ABCB5: variants seen among roughly 807,000 people sequenced by gnomAD.
ABCB5 encodes the protein ATP-binding cassette sub-family B member 5.
In ABCB5, 155 loss-of-function variants were observed where a neutral mutation model predicts 144.2. That is an observed-to-expected ratio of 1.08 (90% CI 0.94 to 1.23). The LOEUF (loss-of-function observed/expected upper bound fraction) is 1.23. ABCB5 is among the 50% of genes most tolerant of loss of function. The pLI is 0.00. For missense variants in ABCB5, 1,830 were observed against 1,520.8 expected (o/e 1.20, Z -3.38); for synonymous variants, 610 against 528.6 (o/e 1.15, Z -2.11).
chr7:20,747,197 G>T (rs1782751699), intron 26 of ABCB5, among the ~76,000 whole-genome samples: 1 of 152,196 alleles, frequency 6.6e-6, no homozygotes, highest in Non-Finnish European at 1.5e-5. Flanking sequence ...TGGTCAGATT[G>T]TTATCTGCAT....
intron 25 of ABCB5, among the ~76,000 whole-genome samples, chr7:20,744,556 ATTGAG>A (rs1562590445): frequency 1.4e-5 from 2 of 147,856 alleles, no homozygotes; most frequent in South Asian, 2.2e-4. Context: ...TCCTGAGTTT[ATTGAG>A]TTATTTGTTC....
chr7:20,669,790 A>G (rs1251701518), intron 14 of ABCB5, among the ~76,000 whole-genome samples: 3 of 150,160 alleles, frequency 2.0e-5, no homozygotes, highest in Non-Finnish European at 4.4e-5. Context: ...ATAGAGATTT[A>G]TTAAATAAAT....
chr7:20,663,351 G>C (rs1483104896), intron 14 of ABCB5, among the ~76,000 whole-genome samples: 1 of 152,132 alleles, frequency 6.6e-6, no homozygotes, highest in African/African-American at 2.4e-5. Flanking sequence ...CCAAATGTCT[G>C]TTTACAGATA....
At chr7:20,616,596 A>C (rs1783690739) in intron 1 of ABCB5, among the ~76,000 whole-genome samples, 1 of 152,222 alleles carries the variant, frequency 6.6e-6, no homozygotes, top group African/African-American at 2.4e-5. Flanking sequence ...CCATGATAGC[A>C]TCCACACAGC....
chr7:20,671,718 G>C lies in ABCB5; in HGVS notation c.1708-9787G>C, dbSNP rs999300914. 4.6e-5 allele frequency among the ~76,000 whole-genome samples: 7 copies of C among 152,148 alleles called. 1 individual carries two copies. The South Asian group carries it at 1.4e-3, about 32-fold the overall frequency. On this transcript the variant is annotated intron_variant, in intron 14 of 27. Transcript: ENST00000404938. ...TGCCACAATTTAAACTAATTGGTAT[G>C]GATGCTCATTTGAATTATTAGGTTT... is the stretch of plus-strand genomic sequence containing the variant.
At chr7:20,647,905 A>C in intron 10 of ABCB5, 63 bp from the exon 11 acceptor site, 2 of 1,186,998 alleles carry the variant, frequency 1.7e-6, no homozygotes, top group Non-Finnish European at 1.2e-6. Context: ...TACTATTTTT[A>C]AAATGTAGAG....
At chr7:20,743,170 C>T in intron 25 of ABCB5, 96 bp downstream of exon 25, 1 of 1,297,250 alleles carries the variant, frequency 7.7e-7, no homozygotes, top group Non-Finnish European at 1.1e-6. Context: ...TTGGGTGGGG[C>T]AAACAATGCA....
In ABCB5 at chr7:20,704,802, C is replaced by A; in HGVS notation, c.2416C>A (p.Gln806Lys). 1 of 1,611,030 alleles carries A rather than the reference C, an allele frequency of 6.2e-7. No individual in the cohort carries two copies. The highest frequency in any genetic ancestry group is 8.5e-7 in the Non-Finnish European group (1 of 1,177,704). Residue 806 changes from glutamine (Q) to lysine (K), a missense_variant, in exon 20 of 28, where the codon CAA becomes AAA. Gln to Lys is a moderately conservative substitution (Grantham distance 53). Coordinates refer to ENST00000404938, the MANE Select transcript of ABCB5 (RefSeq NM_001163941.2). ...ATTAGCCATAGATATAGCACAAATT[C>A]AAGGAGTATGTATATTGTTTTTATT... The part of the protein sequence containing the change: ...TILAIDIAQI[Q>K]GATGSRIGVL...
rs745541312 is a variant in ABCB5 at position 20,755,513 on chromosome 7, T to A, written c.3663T>A (p.Asp1221Glu). Reference protein sequence around the residue: ...THRLSAIQNADLIVVLHNGKI... With the variant: ...THRLSAIQNAELIVVLHNGKI... ...GGCTCTCTGCAATTCAGAACGCAGATTTGATAGTGGTTCTGCACAATGGAA... is the reference window on the plus strand; with the variant it reads ...GGCTCTCTGCAATTCAGAACGCAGAATTGATAGTGGTTCTGCACAATGGAA... The change falls in exon 28 of 28, where the codon GAT (aspartate) becomes GAA (glutamate). Residue 1221 changes from aspartate to glutamate, a missense_variant. Transcript: ENST00000404938. 1 of 1,614,156 alleles carries A rather than the reference T, an allele frequency of 6.2e-7. No homozygotes were observed. The highest frequency in any genetic ancestry group is 8.5e-7 in the Non-Finnish European group (1 of 1,180,040).
rs374494481 is a variant in ABCB5 at position 20,668,627 on chromosome 7, C to G, written c.1707+9951C>G. Among the ~76,000 whole-genome samples, 71 of 149,168 alleles carry G rather than the reference C, an allele frequency of 4.8e-4. No homozygotes were observed. In the East Asian group the frequency reaches 0.014, roughly 30 times the overall value. On this transcript the variant is annotated intron_variant, in intron 14 of 27. Transcript: ENST00000404938. Reference sequence around the variant, plus strand: ...TCAGCCCCCCGCCCGGCCAGCCGCCCCGTCCGGGAGGTGAGGGACTCCTCT... The same window carrying G: ...TCAGCCCCCCGCCCGGCCAGCCGCCGCGTCCGGGAGGTGAGGGACTCCTCT...
chr7:20,655,662 A>G (rs1784763346), intron 13 of ABCB5, among the ~76,000 whole-genome samples: 1 of 152,234 alleles, frequency 6.6e-6, no homozygotes, highest in South Asian at 2.1e-4. Context: ...GAAAAGATCT[A>G]AAGAAATAGA....
Position 20,755,817 on chromosome 7 carries a change from T to C in ABCB5, c.*193T>C. 3.5e-6 allele frequency: 2 copies of C among 575,694 alleles called. No individual in the cohort carries two copies. The highest frequency in any genetic ancestry group is 6.1e-6 in the Non-Finnish European group (2 of 329,526). 35.7% of individuals were successfully genotyped at this position (575,694 alleles called of 1,614,324 possible). A position where few individuals can be genotyped will look rare whatever the true frequency, so the allele number is the denominator to read the frequency against. On this transcript the variant is annotated 3_prime_UTR_variant, in exon 28 of 28. Coordinates refer to ENST00000404938, the MANE Select transcript of ABCB5 (RefSeq NM_001163941.2). Reference sequence around the variant, plus strand: ...AAAAGGAAGCAAAAATTTGCTTATTTCATGTAAGTGAAATAATGCTTATAT... The same window carrying C: ...AAAAGGAAGCAAAAATTTGCTTATTCCATGTAAGTGAAATAATGCTTATAT...
At chr7:20,722,940 G>A in intron 20 of ABCB5, 76 bp from the exon 21 acceptor site, 1 of 1,302,010 alleles carries the variant, frequency 7.7e-7, no homozygotes, top group African/African-American at 1.5e-5. Flanking sequence ...ACCTTGTTTT[G>A]CAAGGAACTA....
intron 20 of ABCB5, among the ~76,000 whole-genome samples, chr7:20,716,797 G>GTT (rs1781687137): frequency 1.3e-5 from 2 of 152,170 alleles, no homozygotes; most frequent in African/African-American, 4.8e-5. Flanking sequence ...GGACAATCTA[G>GTT]GAGTTCATTC....
chr7:20,734,318 T>C (rs1459893144), intron 23 of ABCB5, among the ~76,000 whole-genome samples: 1 of 151,516 alleles, frequency 6.6e-6, no homozygotes, highest in African/African-American at 2.4e-5. Context: ...CTAGAATTCT[T>C]CTTAGATAAA....
At chr7:20,662,279 T>G (rs1266772973) in intron 14 of ABCB5, among the ~76,000 whole-genome samples, 1 of 152,226 alleles carries the variant, frequency 6.6e-6, no homozygotes, top group Non-Finnish European at 1.5e-5. Flanking sequence ...CGGGCACGTC[T>G]TAACCATCAC....
At chr7:20,683,901 C>T (rs193219280) in intron 15 of ABCB5, among the ~76,000 whole-genome samples, 89 of 152,130 alleles carry the variant, frequency 5.9e-4, no homozygotes, top group African/African-American at 1.8e-3. Context: ...AAAATAATCC[C>T]GAGAAGCAAT....
intron 3 of ABCB5, among the ~76,000 whole-genome samples, chr7:20,628,229 A>G (rs868467130): frequency 1.3e-5 from 2 of 151,544 alleles, no homozygotes; most frequent in Admixed American, 6.6e-5. Flanking sequence ...TCATTGTTCA[A>G]CTCCCACCTA....
intron 26 of ABCB5, among the ~76,000 whole-genome samples, chr7:20,746,536 C>A (rs1448440293): frequency 1.3e-5 from 2 of 152,208 alleles, no homozygotes; most frequent in African/African-American, 2.4e-5. Flanking sequence ...CTGAAAATTA[C>A]CCTGAGCACT....
Sources: gnomAD v4.1 joint callset for allele counts (sites outside exome capture counted in the v4.1 genomes callset) on GRCh38, gnomAD v4.1.1 for gene constraint, MANE v1.5 for transcripts, NCBI Gene and HGNC (gene_info 2026-07-23, HGNC 2026-07-21) for gene names.